The following RHBDD1 variants were observed in gnomAD, a reference collection of about 807,000 sequenced individuals.
RHBDD1 encodes rhomboid domain containing 1.
In RHBDD1, 38 loss-of-function variants were observed where a neutral mutation model predicts 36.3. That is an observed-to-expected ratio of 1.05 (90% CI 0.81 to 1.37). The LOEUF is 1.37. Among genes scored for constraint, RHBDD1 ranks in the 40% most tolerant of loss-of-function variants. The pLI, the probability that RHBDD1 is intolerant of heterozygous loss-of-function variation, is 0.00. For missense variants in RHBDD1, 393 were observed against 377.6 expected, an observed-to-expected ratio of 1.04 and a Z score of -0.34; for synonymous variants, 151 against 136.5, an observed-to-expected ratio of 1.11 and a Z score of -0.74.
intron 5 of RHBDD1, among the ~76,000 whole-genome samples, chr2:226,901,849 A>G (rs1367036277): frequency 6.6e-6 from 1 of 152,234 alleles, no homozygotes; most frequent in Non-Finnish European, 1.5e-5. Flanking sequence ...TAAAAGAGAC[A>G]TACAAATGTA....
At chr2:226,955,136 C>A (rs1290136644) in intron 8 of RHBDD1, among the ~76,000 whole-genome samples, 1 of 152,052 alleles carries the variant, frequency 6.6e-6, no homozygotes, top group African/African-American at 2.4e-5. Context: ...GTGAGCTCTT[C>A]TTTTGGATGC....
At chr2:226,823,396 A>G in the RHBDD1 span, among the ~76,000 whole-genome samples, 1 of 152,220 alleles carries the variant, frequency 6.6e-6, no homozygotes, top group Non-Finnish European at 1.5e-5. Flanking sequence ...TCTAGATTGT[A>G]TTCTGCTTAA....
At chr2:226,842,020 T>C (rs987948611) in intron 3 of RHBDD1, among the ~76,000 whole-genome samples, 13 of 152,330 alleles carry the variant, frequency 8.5e-5, no homozygotes, top group African/African-American at 3.1e-4. Context: ...CTCATTGTGG[T>C]TTTGATTTGC....
chr2:226,876,095 G>C (rs1453136571), intron 5 of RHBDD1, among the ~76,000 whole-genome samples: 1 of 152,200 alleles, frequency 6.6e-6, no homozygotes, highest in Non-Finnish European at 1.5e-5. Flanking sequence ...CCAAACCATA[G>C]AGAAGAGGCC....
chr2:226,874,362 T>C (rs1299195960), intron 5 of RHBDD1, among the ~76,000 whole-genome samples: 2 of 152,152 alleles, frequency 1.3e-5, no homozygotes, highest in African/African-American at 4.8e-5. Context: ...GTAGACAGCA[T>C]CTTTATTAGT....
intron 8 of RHBDD1, among the ~76,000 whole-genome samples, chr2:226,969,989 T>TC (rs34121580): frequency 0.39 from 43,488 of 111,456 alleles, 8,033 homozygotes; most frequent in South Asian, 0.47. Context: ...TTTACAACTG[T>TC]CCCCCCCCCC....
chr2:226,877,598 A>G (rs1473901169), intron 5 of RHBDD1, among the ~76,000 whole-genome samples: 1 of 148,024 alleles, frequency 6.8e-6, no homozygotes, highest in South Asian at 2.1e-4. Context: ...TTTTCTTTTA[A>G]GTAAACATGG....
chr2:226,811,245 A>C, the RHBDD1 span, among the ~76,000 whole-genome samples: 2 of 151,990 alleles, frequency 1.3e-5, no homozygotes, highest in Admixed American at 1.3e-4. Flanking sequence ...AAGGAAGGGG[A>C]ACTACCAAAG....
chr2:226,860,948 A>G (rs1192675642), intron 3 of RHBDD1, among the ~76,000 whole-genome samples: 2 of 152,158 alleles, frequency 1.3e-5, no homozygotes, highest in Non-Finnish European at 2.9e-5. Flanking sequence ...GGCTGGGAAT[A>G]TAAGTGTTTT....
chr2:226,820,441 A>G, the RHBDD1 span, among the ~76,000 whole-genome samples: 8 of 152,124 alleles, frequency 5.3e-5, no homozygotes, highest in African/African-American at 1.4e-4. Context: ...CTAAGACTCC[A>G]TCTTGCTCAG....
chr2:226,941,965 A>G (rs1950692166), intron 8 of RHBDD1, among the ~76,000 whole-genome samples: 2 of 152,228 alleles, frequency 1.3e-5, no homozygotes, highest in Non-Finnish European at 2.9e-5. Context: ...GCAGAGGCAC[A>G]GAGAAATCAA....
intron 5 of RHBDD1, among the ~76,000 whole-genome samples, chr2:226,904,228 C>G (rs1030871160): frequency 1.3e-5 from 2 of 152,198 alleles, no homozygotes; most frequent in Non-Finnish European, 2.9e-5. Flanking sequence ...CGCACTGTAA[C>G]ACACACCCAC....
the RHBDD1 span, among the ~76,000 whole-genome samples, chr2:226,825,922 G>C: frequency 6.6e-6 from 1 of 151,950 alleles, no homozygotes; most frequent in Admixed American, 6.5e-5. Context: ...GAAAATAACA[G>C]TTATCGGGTA....
At chr2:226,882,210 A>C (rs1281850151) in intron 5 of RHBDD1, among the ~76,000 whole-genome samples, 8 of 152,076 alleles carry the variant, frequency 5.3e-5, no homozygotes, top group Non-Finnish European at 8.8e-5. Flanking sequence ...CGGGTGGATC[A>C]CCTGAGGTCA....
chr2:226,951,450 A>G (rs574803522), intron 8 of RHBDD1, among the ~76,000 whole-genome samples: 2 of 152,260 alleles, frequency 1.3e-5, no homozygotes, highest in East Asian at 1.9e-4. Flanking sequence ...AATTTAGCAA[A>G]TTAGAGTTTT....
the RHBDD1 span, among the ~76,000 whole-genome samples, chr2:226,821,908 TTAAAA>T: frequency 6.6e-6 from 1 of 152,232 alleles, no homozygotes; most frequent in Non-Finnish European, 1.5e-5. Context: ...TCTTAGAATC[TTAAAA>T]TAATCTGGAA....
chr2:226,803,212 A>G, the RHBDD1 span, among the ~76,000 whole-genome samples: 1 of 152,152 alleles, frequency 6.6e-6, no homozygotes, highest in Non-Finnish European at 1.5e-5. Context: ...TTGAATGCTT[A>G]CTCTGCAAGG....
chr2:226,983,145 G>A (rs1956161196), intron 8 of RHBDD1, among the ~76,000 whole-genome samples: 1 of 152,078 alleles, frequency 6.6e-6, no homozygotes, highest in South Asian at 2.1e-4. Context: ...CTCAAAGTGG[G>A]GCATGTGGGC....
At chr2:226,877,134 G>A (rs554244854) in intron 5 of RHBDD1, among the ~76,000 whole-genome samples, 2 of 152,284 alleles carry the variant, frequency 1.3e-5, no homozygotes, top group African/African-American at 4.8e-5. Flanking sequence ...GGCATGTGGT[G>A]GTTGCTTAAG....
Sources: gnomAD v4.1 joint callset for allele counts (sites outside exome capture counted in the v4.1 genomes callset) on GRCh38, gnomAD v4.1.1 for gene constraint, MANE v1.5 for transcripts, NCBI Gene and HGNC (gene_info 2026-07-23, HGNC 2026-07-21) for gene names.